The following KMO variants were observed in gnomAD, a reference collection of about 807,000 sequenced individuals.
KMO encodes kynurenine 3-monooxygenase, also known as kynurenine 3-hydroxylase.
A neutral mutation model predicts 57.8 loss-of-function variants in KMO; 24 were observed. The observed-to-expected ratio is 0.42, with a 90% CI of 0.30 to 0.58. The LOEUF (loss-of-function observed/expected upper bound fraction) is 0.58. Among genes scored for constraint, KMO ranks in the 20% least tolerant of loss-of-function variants. The probability of loss-of-function intolerance (pLI) is 0.22; values close to 1 mark genes in which losing one functional copy is unlikely to be tolerated. For synonymous variants in KMO, 210 were observed against 193.6 expected (o/e 1.08, Z -0.70); for missense variants, 483 against 588.2 (o/e 0.82, Z 1.85).
rs138209575 is a variant in KMO, at chr1:241,559,795, T to C, written c.362-870T>C. ...ACTGTACATAATTAATGTGTACAAC[T>C]TGATGAGTTTGGTCCTTAATTTTTT... On this transcript the variant is annotated intron_variant, in intron 5 of 14. Coordinates refer to ENST00000366559, the MANE Select transcript of KMO (RefSeq NM_003679.5). Among the ~76,000 whole-genome samples the C allele has an allele frequency of 1.9e-3, 293 of 152,298 alleles. 2 individuals carry two copies. The highest frequency in any genetic ancestry group is 6.8e-3 in the African/African-American group (281 of 41,556).
chr1:241,551,917 G>T (rs762955832), intron 4 of KMO, among the ~76,000 whole-genome samples: 1 of 152,130 alleles, frequency 6.6e-6, no homozygotes, highest in Non-Finnish European at 1.5e-5. Context: ...CGTTTCTAAC[G>T]AGCTTCCGGG....
intron 10 of KMO, among the ~76,000 whole-genome samples, chr1:241,573,162 CT>C (rs1662369371): frequency 6.6e-6 from 1 of 152,016 alleles, no homozygotes; most frequent in Non-Finnish European, 1.5e-5. Flanking sequence ...GTATTTTTTG[CT>C]AATTTTTGTA....
chr1:241,568,202 G>T (rs2147966982), intron 9 of KMO, among the ~76,000 whole-genome samples: 1 of 152,198 alleles, frequency 6.6e-6, no homozygotes, highest in Non-Finnish European at 1.5e-5. Context: ...AAAATCTCAT[G>T]GCCCAGGTGC....
rs1663385011 is a variant in KMO at position 241,593,300 on chromosome 1, A to G, written c.*1147A>G. The stretch of plus-strand genomic sequence containing the variant: ...ACTACATACTGCAGCAGAACCAGCA[A>G]TACACTTGATTTTTAAAAGCACATT... On this transcript the variant is annotated 3_prime_UTR_variant, in exon 15 of 15. Coordinates refer to ENST00000366559, the MANE Select transcript of KMO (RefSeq NM_003679.5). The G allele has an allele frequency of 2.5e-6, 1 of 402,164 alleles. No homozygotes were observed. Among genetic ancestry groups the G allele is most frequent in the African/African-American group, 2.0e-5 (1 of 49,188 alleles). 24.9% of individuals were successfully genotyped at this position (402,164 alleles called of 1,614,324 possible).
In KMO at chr1:241,590,331, G is replaced by A. The variant is rs186594991; in HGVS notation, c.1260+68G>A. ...TGAAATGTCATAGTATTATGATTAT[G>A]TTTGTTTCCAACAAATACAGAAATA... On this transcript the variant is annotated intron_variant, in intron 14 of 14. Coordinates refer to ENST00000366559, the MANE Select transcript of KMO (RefSeq NM_003679.5). 2.6e-4 allele frequency: 332 copies of A among 1,268,464 alleles called. 1 individual carries two copies. In the African/African-American group the frequency reaches 4.3e-3, roughly 16 times the overall value. The allele number at this position is 1,268,464 out of a possible 1,614,324, so 78.6% of individuals were successfully genotyped here.
intron 10 of KMO, among the ~76,000 whole-genome samples, chr1:241,582,698 G>GC (rs1662798214): frequency 6.6e-6 from 1 of 152,150 alleles, no homozygotes; most frequent in Admixed American, 6.5e-5. Context: ...TTGAACTTCT[G>GC]CAAGACGAGT....
intron 1 of KMO, 24 bp downstream of exon 1, chr1:241,532,522 T>G: frequency 1.3e-6 from 2 of 1,556,738 alleles, no homozygotes; most frequent in Non-Finnish European, 1.8e-6. Context: ...GATGGATTAC[T>G]ATTGTTGGTG....
intron 9 of KMO, among the ~76,000 whole-genome samples, chr1:241,567,526 A>G (rs943870425): frequency 2.0e-5 from 3 of 152,192 alleles, no homozygotes; most frequent in African/African-American, 7.2e-5. Context: ...CAATATAGGA[A>G]TGTTAGGGGA....
chr1:241,575,114 TCTCC>T (rs1221841828), intron 10 of KMO, among the ~76,000 whole-genome samples: 3 of 152,062 alleles, frequency 2.0e-5, no homozygotes, highest in Non-Finnish European at 1.5e-5. Context: ...CATTGTAATG[TCTCC>T]AGTTTCATTT....
At chr1:241,550,072 C>A in intron 3 of KMO, 5 of 253,002 alleles carry the variant, frequency 2.0e-5, no homozygotes, top group Admixed American at 1.1e-4. Context: ...TAAAAGGAGC[C>A]AGATTCCTTT....
At position 241,562,399 on chromosome 1, in the gene KMO, AGTGCAGTG is replaced by A. The variant is rs535703981; in HGVS notation, c.615+70_615+77del. On this transcript the variant is annotated intron_variant, in intron 7 of 14. Transcript: ENST00000366559. ...CTCCATGAGCGCGAATGCGTATTCT[AGTGCAGTG>A]GTTCTCAGCAGCATGTCTTGATCCA... 1,466 of 1,479,536 alleles carry A rather than the reference AGTGCAGTG, an allele frequency of 9.9e-4. 4 individuals carry two copies. Among genetic ancestry groups the A allele is most frequent in the Non-Finnish European group, 1.1e-3 (1,213 of 1,070,070 alleles). The allele number at this position is 1,479,536 out of a possible 1,614,324, so 91.7% of individuals were successfully genotyped here.
intron 4 of KMO, among the ~76,000 whole-genome samples, chr1:241,552,642 A>G (rs1661451782): frequency 6.6e-6 from 1 of 152,124 alleles, no homozygotes. Context: ...CCCACAGACA[A>G]CACTCACTCA....
intron 9 of KMO, among the ~76,000 whole-genome samples, chr1:241,567,218 A>C (rs965814679): frequency 1.3e-5 from 2 of 152,204 alleles, no homozygotes; most frequent in South Asian, 4.1e-4. Context: ...GTGAGCCATA[A>C]TAAAACTACC....
At chr1:241,541,563 G>A (rs2050514) in intron 1 of KMO, among the ~76,000 whole-genome samples, 29,978 of 152,050 alleles carry the variant, frequency 0.2, 3,586 homozygotes, top group East Asian at 0.34. Context: ...GAGCACTCAG[G>A]AATGTGCATC....
intron 6 of KMO, among the ~76,000 whole-genome samples, chr1:241,561,862 AAC>A (rs1661855086): frequency 6.6e-6 from 1 of 152,130 alleles, no homozygotes; most frequent in Non-Finnish European, 1.5e-5. Context: ...GTACACTTGG[AAC>A]ACTTGCCCTG....
chr1:241,554,377 C>T (rs1038120543), intron 4 of KMO, among the ~76,000 whole-genome samples: 1 of 151,732 alleles, frequency 6.6e-6, no homozygotes, highest in Non-Finnish European at 1.5e-5. Flanking sequence ...TTAGGCCTCT[C>T]GGGTTCAAGC....
chr1:241,542,057 C>T (rs1009356503), intron 1 of KMO, among the ~76,000 whole-genome samples: 4 of 152,212 alleles, frequency 2.6e-5, no homozygotes, highest in Admixed American at 1.3e-4. Flanking sequence ...TTTTATAATC[C>T]TGTTTCCTCT....
intron 10 of KMO, among the ~76,000 whole-genome samples, chr1:241,580,609 T>C (rs1662713030): frequency 6.6e-6 from 1 of 152,118 alleles, no homozygotes; most frequent in South Asian, 2.1e-4. Flanking sequence ...ATTGACCCAG[T>C]GGTCATTCAG....
chr1:241,532,523 A>C, intron 1 of KMO, 25 bp downstream of exon 1: 3 of 1,551,670 alleles, frequency 1.9e-6, no homozygotes. Flanking sequence ...ATGGATTACT[A>C]TTGTTGGTGG....
Sources: allele counts gnomAD v4.1 joint callset (sites outside exome capture counted in the v4.1 genomes callset), GRCh38; gene constraint gnomAD v4.1.1; transcripts MANE v1.5; gene names NCBI Gene and HGNC (gene_info 2026-07-23, HGNC 2026-07-21).